Variants in SMAP2 observed in about 807,000 individuals in gnomAD.
SMAP2 encodes stromal membrane-associated protein 2.
A neutral mutation model predicts 56.4 loss-of-function variants in SMAP2; 25 were observed. The observed-to-expected ratio is 0.44, with a 90% CI of 0.32 to 0.62. The LOEUF is 0.62. Among genes scored for constraint, SMAP2 ranks in the 20% least tolerant of loss-of-function variants. SMAP2 has a pLI of 0.04. For missense variants in SMAP2, 388 were observed against 545.6 expected, an observed-to-expected ratio of 0.71 and a Z score of 2.88; for synonymous variants, 157 against 181.7, an observed-to-expected ratio of 0.86 and a Z score of 1.09.
At chr1:40,416,465 T>C (rs1433933423) in intron 8 of SMAP2, 124 bp downstream of exon 8, 12 of 1,054,990 alleles carry the variant, frequency 1.1e-5, no homozygotes, top group Non-Finnish European at 1.7e-5. Context: ...CAAACAAACC[T>C]GAACATGACC....
At chr1:40,345,401 AAG>A (rs1491574580) in intron 1 of SMAP2, among the ~76,000 whole-genome samples, 1 of 152,016 alleles carries the variant, frequency 6.6e-6, no homozygotes, top group African/African-American at 2.4e-5. Flanking sequence ...AAAAAAAAAA[AAG>A]TAAACAGCAT....
chr1:40,360,473 T>G (rs1644455304), intron 1 of SMAP2, among the ~76,000 whole-genome samples: 1 of 151,956 alleles, frequency 6.6e-6, no homozygotes, highest in Non-Finnish European at 1.5e-5. Flanking sequence ...TGGCTAATTT[T>G]TGTATTTTTA....
At chr1:40,417,700 A>G (rs1645003566) in intron 9 of SMAP2, among the ~76,000 whole-genome samples, 1 of 152,190 alleles carries the variant, frequency 6.6e-6, no homozygotes, top group South Asian at 2.1e-4. Context: ...ACCTTGGGAA[A>G]GCATTGCTTC....
At chr1:40,409,875 A>C in intron 4 of SMAP2, 40 bp downstream of exon 4, 1 of 1,258,854 alleles carries the variant, frequency 7.9e-7, no homozygotes, top group Non-Finnish European at 1.2e-6. Flanking sequence ...ACAATAAGTA[A>C]TGTGCTTATT....
intron 6 of SMAP2, 82 bp downstream of exon 6, chr1:40,414,322 G>C: frequency 1.5e-6 from 2 of 1,319,008 alleles, no homozygotes; most frequent in Non-Finnish European, 2.2e-6. Flanking sequence ...GTAGAGATGG[G>C]GTTCTCCAGT....
At chr1:40,371,218 A>G (rs1462454791), upstream of SMAP2, among the ~76,000 whole-genome samples, 5 of 152,284 alleles carry the variant, frequency 3.3e-5, no homozygotes, top group East Asian at 9.6e-4. Context: ...TTATGATAAG[A>G]TAACATGTGC....
upstream of SMAP2, among the ~76,000 whole-genome samples, chr1:40,371,786 C>G (rs542083710): frequency 1.2e-3 from 180 of 152,322 alleles, 1 homozygote; most frequent in African/African-American, 3.9e-3. Flanking sequence ...CATTCACTAT[C>G]TACCAAGGGC....
exon 2 of SMAP2, chr1:40,362,334 T>C (rs1644463543): frequency 6.6e-6 from 1 of 152,200 alleles, no homozygotes; most frequent in East Asian, 1.9e-4. Context: ...ATGCCATCTA[T>C]CAAAGTTGTC....
chr1:40,401,795 A>G (rs1234724461), intron 1 of SMAP2, among the ~76,000 whole-genome samples: 2 of 152,238 alleles, frequency 1.3e-5, no homozygotes, highest in Non-Finnish European at 2.9e-5. Context: ...GAAACTTGTC[A>G]AAATACATGC....
chr1:40,362,568 C>T (rs1030630737), intron 2 of SMAP2: 4 of 152,122 alleles, frequency 2.6e-5, no homozygotes, highest in Admixed American at 1.3e-4. Flanking sequence ...GCTTCCAGTG[C>T]TACTGTTGAG....
At chr1:40,362,537 G>A (rs1644464068) in intron 2 of SMAP2, 4 of 152,158 alleles carry the variant, frequency 2.6e-5, no homozygotes, top group Admixed American at 2.6e-4. Context: ...AATTTTGGAG[G>A]CAAAGTTTCA....
chr1:40,389,002 A>G (rs763145309), intron 1 of SMAP2, among the ~76,000 whole-genome samples: 2 of 151,982 alleles, frequency 1.3e-5, no homozygotes, highest in Non-Finnish European at 2.9e-5. Context: ...GAGACCACGA[A>G]CCCCACCAGA....
chr1:40,396,031 G>A (rs751134821), intron 1 of SMAP2, among the ~76,000 whole-genome samples: 7 of 152,140 alleles, frequency 4.6e-5, no homozygotes, highest in Non-Finnish European at 8.8e-5. Context: ...CTGTCTAATT[G>A]CTATGTCTGT....
intron 1 of SMAP2, among the ~76,000 whole-genome samples, chr1:40,361,924 C>G (rs1197039625): frequency 1.3e-5 from 2 of 152,140 alleles, no homozygotes; most frequent in Non-Finnish European, 2.9e-5. Context: ...CAATAGGAAG[C>G]CTGTGGCCAA....
intron 6 of SMAP2, 59 bp downstream of exon 6, chr1:40,414,299 C>A: frequency 6.6e-7 from 1 of 1,513,928 alleles, no homozygotes; most frequent in Non-Finnish European, 9.2e-7. Flanking sequence ...TTCTCAGTGA[C>A]CCTGGAAGAT....
intron 1 of SMAP2, among the ~76,000 whole-genome samples, chr1:40,388,609 C>G (rs555697972): frequency 1.3e-5 from 2 of 152,166 alleles, no homozygotes; most frequent in Non-Finnish European, 2.9e-5. Flanking sequence ...ACCTTTGTGT[C>G]TAGCTCAGGG....
intron 9 of SMAP2, 132 bp downstream of exon 9, chr1:40,417,228 C>CTTTT (rs34036744): frequency 3.3e-5 from 14 of 427,954 alleles, no homozygotes; most frequent in East Asian, 8.0e-5. Context: ...GTTAGGTTTG[C>CTTTT]TTTTTTTTTT....
At chr1:40,364,516 G>A (rs1378170630) in intron 2 of SMAP2, among the ~76,000 whole-genome samples, 2 of 152,212 alleles carry the variant, frequency 1.3e-5, no homozygotes. Flanking sequence ...GCCAAGGCAG[G>A]AGGATCGCTT....
chr1:40,381,110 T>C (rs1400261506), intron 1 of SMAP2, among the ~76,000 whole-genome samples: 1 of 152,246 alleles, frequency 6.6e-6, no homozygotes, highest in African/African-American at 2.4e-5. Context: ...TAAATATCAT[T>C]TGGTGCCAGT....
Sources: gnomAD v4.1 joint callset for allele counts (sites outside exome capture counted in the v4.1 genomes callset) on GRCh38, gnomAD v4.1.1 for gene constraint, MANE v1.5 for transcripts, NCBI Gene and HGNC (gene_info 2026-07-23, HGNC 2026-07-21) for gene names.